NCAM2: variants seen among roughly 807,000 people sequenced by gnomAD.
NCAM2 encodes the protein neural cell adhesion molecule 2.
In NCAM2, 30 loss-of-function variants were observed where a neutral mutation model predicts 98.1. The ratio of observed to expected loss-of-function variants is 0.31; its 90% CI spans 0.23 to 0.41. The LOEUF is 0.41. NCAM2 is among the 10% of genes least tolerant of loss of function. The pLI is 1.00. For missense variants in NCAM2, 867 were observed against 1,005.8 expected (o/e 0.86, Z 1.87); for synonymous variants, 368 against 342.4 (o/e 1.07, Z -0.83).
intron 1 of NCAM2, among the ~76,000 whole-genome samples, chr21:21,117,268 G>T (rs114094217): frequency 0.015 from 2,211 of 152,108 alleles, 58 homozygotes; most frequent in African/African-American, 0.051. Flanking sequence ...GTTTCTATGA[G>T]TTTGACTTTG....
chr21:21,030,589 A>G (rs1309193899), intron 1 of NCAM2, among the ~76,000 whole-genome samples: 1 of 152,140 alleles, frequency 6.6e-6, no homozygotes, highest in Non-Finnish European at 1.5e-5. Context: ...GAGTTAGGCA[A>G]CATTCACATG....
chr21:21,141,227 A>C (rs927887817), intron 1 of NCAM2, among the ~76,000 whole-genome samples: 2 of 152,204 alleles, frequency 1.3e-5, no homozygotes, highest in African/African-American at 4.8e-5. Context: ...ACGTGTAAAC[A>C]AACTTGATAT....
intron 1 of NCAM2, among the ~76,000 whole-genome samples, chr21:21,139,016 C>T (rs1341582986): frequency 6.6e-6 from 1 of 152,118 alleles, no homozygotes; most frequent in South Asian, 2.1e-4. Flanking sequence ...ATTCCCTGAA[C>T]CTGTGAATAA....
intron 1 of NCAM2, among the ~76,000 whole-genome samples, chr21:21,246,284 C>T (rs1179403536): frequency 6.6e-6 from 1 of 151,992 alleles, no homozygotes; most frequent in Non-Finnish European, 1.5e-5. Flanking sequence ...TTATAAGATC[C>T]TAGCCAAAAC....
chr21:21,020,195 C>T lies in NCAM2; in HGVS notation c.55+21577C>T, dbSNP rs555758953. 8.5e-5 allele frequency among the ~76,000 whole-genome samples: 13 copies of T among 152,154 alleles called. No homozygotes were observed. In the South Asian group the frequency reaches 2.3e-3, roughly 27 times the overall value. ...GGATTACAGGTGCCCACCACCAAGC[C>T]TGGCTAATTTTTGTATTTTTAGAAG... On this transcript the variant is annotated intron_variant, in intron 1 of 17. Transcript: ENST00000400546.
At chr21:21,427,957 C>T (rs993423165) in intron 11 of NCAM2, among the ~76,000 whole-genome samples, 5 of 152,150 alleles carry the variant, frequency 3.3e-5, no homozygotes, top group Admixed American at 1.3e-4. Context: ...TCCAACAACA[C>T]TCGCCGTCGT....
chr21:21,189,960 G>C (rs935262673), intron 1 of NCAM2, among the ~76,000 whole-genome samples: 1 of 152,132 alleles, frequency 6.6e-6, no homozygotes, highest in Non-Finnish European at 1.5e-5. Flanking sequence ...CATGATAGAT[G>C]GGCAAGGTGG....
At position 21,292,250 on chromosome 21, in the gene NCAM2, T is replaced by C; in HGVS notation, c.619+9T>C. 1 of 1,599,190 alleles carries C rather than the reference T, an allele frequency of 6.3e-7. No homozygotes were observed. Reference sequence around the variant, plus strand: ...CATTGTTATTGTTAATGGTAAGCAGTAAATAATTTGTACATGTTTTATGGA... The same window carrying C: ...CATTGTTATTGTTAATGGTAAGCAGCAAATAATTTGTACATGTTTTATGGA... On this transcript the variant is annotated intron_variant, in intron 5 of 17. Transcript: ENST00000400546.
intron 1 of NCAM2, among the ~76,000 whole-genome samples, chr21:21,098,717 A>G (rs2146478484): frequency 6.6e-6 from 1 of 152,018 alleles, no homozygotes; most frequent in East Asian, 1.9e-4. Context: ...CCTGTTCTTC[A>G]TAACTTTATC....
intron 1 of NCAM2, among the ~76,000 whole-genome samples, chr21:21,024,846 C>A (rs113603250): frequency 2.0e-5 from 3 of 151,220 alleles, no homozygotes; most frequent in Admixed American, 1.3e-4. Context: ...GAGATCACAC[C>A]ACTTCACTCC....
chr21:21,234,921 G>C (rs985655783), intron 1 of NCAM2, among the ~76,000 whole-genome samples: 2 of 151,900 alleles, frequency 1.3e-5, no homozygotes, highest in African/African-American at 4.8e-5. Flanking sequence ...TGCAGCTAAG[G>C]GTATTTTAAT....
chr21:21,090,531 A>G (rs2065991358), intron 1 of NCAM2, among the ~76,000 whole-genome samples: 2 of 152,182 alleles, frequency 1.3e-5, no homozygotes, highest in Non-Finnish European at 2.9e-5. Flanking sequence ...CCTTTTCAAG[A>G]AATATCCCTT....
At chr21:21,389,104 G>A (rs232434) in intron 9 of NCAM2, among the ~76,000 whole-genome samples, 57,472 of 151,920 alleles carry the variant, frequency 0.38, 11,197 homozygotes, top group East Asian at 0.58. Context: ...TGCTAATAAA[G>A]GCATACCGTA....
At chr21:21,246,715 T>G (rs17003832) in intron 1 of NCAM2, among the ~76,000 whole-genome samples, 3,691 of 152,278 alleles carry the variant, frequency 0.024, 123 homozygotes, top group East Asian at 0.16. Context: ...CATGAAAAGT[T>G]ATCTGTTCAA....
At chr21:21,528,200 G>A (rs1989433107) in intron 16 of NCAM2, among the ~76,000 whole-genome samples, 1 of 152,168 alleles carries the variant, frequency 6.6e-6, no homozygotes, top group Non-Finnish European at 1.5e-5. Flanking sequence ...GGAAAGAAGG[G>A]AGGAATAAGT....
Position 21,093,409 on chromosome 21 carries a change from G to A in NCAM2, c.55+94791G>A, listed in dbSNP as rs74958208. Among the ~76,000 whole-genome samples, 1,222 of 152,168 alleles carry A rather than the reference G, an allele frequency of 8.0e-3. 22 individuals are homozygous for A. Among genetic ancestry groups the A allele is most frequent in the African/African-American group, 0.027 (1,137 of 41,560 alleles). On this transcript the variant is annotated intron_variant, in intron 1 of 17. Coordinates refer to ENST00000400546, the MANE Select transcript of NCAM2 (RefSeq NM_004540.5). ...AAACCTCTCGTCTTCTAACATTTAT[G>A]TCTGTGAACAGCGAGTCCATTCATC...
intron 16 of NCAM2, among the ~76,000 whole-genome samples, chr21:21,516,609 C>CT (rs1286474743): frequency 6.6e-6 from 1 of 151,870 alleles, no homozygotes; most frequent in African/African-American, 2.4e-5. Context: ...TTTCTCTTCT[C>CT]TTTTTTCGAA....
rs1174391492 is a variant in NCAM2, at chr21:21,468,698, G to A, written c.1811G>A (p.Ser604Asn). 3 of 1,612,032 alleles carry A rather than the reference G, an allele frequency of 1.9e-6. No homozygotes were observed. The highest frequency in any genetic ancestry group is 1.7e-5 in the Admixed American group (1 of 59,744). ...CCTCCATCCATACATGGACAGCCAAGCAGTGGAAAGAGCTTTAAACTCAGC... is the reference window on the plus strand; with the variant it reads ...CCTCCATCCATACATGGACAGCCAAACAGTGGAAAGAGCTTTAAACTCAGC... ...PSPPSIHGQPSSGKSFKLSIT... is the reference protein window; with the variant it reads ...PSPPSIHGQPNSGKSFKLSIT... Residue 604 changes from serine (S) to asparagine (N), a missense_variant, in exon 14 of 18, where the codon AGC becomes AAC. Physicochemically the swap from Ser to Asn is conservative, Grantham distance 46. Transcript: ENST00000400546.
At chr21:21,472,310 C>G (rs150826301) in intron 14 of NCAM2, among the ~76,000 whole-genome samples, 2 of 152,022 alleles carry the variant, frequency 1.3e-5, no homozygotes, top group African/African-American at 2.4e-5. Context: ...TGTACACTAT[C>G]TCAATGGCCA....
Sources: allele counts gnomAD v4.1 joint callset (sites outside exome capture counted in the v4.1 genomes callset), GRCh38; gene constraint gnomAD v4.1.1; transcripts MANE v1.5; gene names NCBI Gene and HGNC (gene_info 2026-07-23, HGNC 2026-07-21).